Variants in COMMD6 observed in about 807,000 individuals in gnomAD.
COMMD6 encodes COMM domain containing 6.
A neutral mutation model predicts 13.4 loss-of-function variants in COMMD6; 11 were observed. The observed-to-expected ratio is 0.82, with a 90% CI of 0.52 to 1.36. The LOEUF is 1.36. Among genes scored for constraint, COMMD6 ranks in the 40% most tolerant of loss-of-function variants. The pLI is 0.00. For missense variants in COMMD6, 124 were observed against 102.4 expected, an observed-to-expected ratio of 1.21 and a Z score of -0.91; for synonymous variants, 43 against 36.5, an observed-to-expected ratio of 1.18 and a Z score of -0.64.
intron 1 of COMMD6, among the ~76,000 whole-genome samples, chr13:75,545,512 G>C (rs1301639232): frequency 6.6e-6 from 1 of 151,640 alleles, no homozygotes; most frequent in Non-Finnish European, 1.5e-5. Flanking sequence ...TGTCACCCAG[G>C]CTGGAGTGCC....
At chr13:75,541,986 G>T (rs183728393), upstream of COMMD6, among the ~76,000 whole-genome samples, 40 of 152,316 alleles carry the variant, frequency 2.6e-4, 1 homozygote, top group East Asian at 7.7e-3. Flanking sequence ...CATATTCAAG[G>T]AGGTAAAGGA....
At chr13:75,532,626 T>C (rs2030522598) in intron 2 of COMMD6, among the ~76,000 whole-genome samples, 1 of 151,980 alleles carries the variant, frequency 6.6e-6, no homozygotes, top group Non-Finnish European at 1.5e-5. Flanking sequence ...GGTCAGGAGA[T>C]CAGAATCATC....
rs2030197973 is a variant in COMMD6 at position 75,525,218 on chromosome 13, A to AAACG, written c.*1370_*1371insCGTT. 1 of 71,296 alleles carries AAACG rather than the reference A, an allele frequency of 1.4e-5. No homozygotes were observed. The highest frequency in any genetic ancestry group is 4.0e-4 in the East Asian group (1 of 2,518). The allele number at this position is 71,296 out of a possible 1,614,324, so 4.4% of individuals were successfully genotyped here. A position where few individuals can be genotyped will look rare whatever the true frequency, so the allele number is the denominator to read the frequency against. The stretch of plus-strand genomic sequence containing the variant: ...TGCTTTTTAAATTCAAAAGACAAAC[A>AAACG]TGCAATTTAAATTTATTTCAAATCT... On this transcript the variant is annotated 3_prime_UTR_variant, in exon 4 of 4. Coordinates refer to ENST00000682242, the MANE Select transcript of COMMD6 (RefSeq NM_203495.4).
At position 75,526,594 on chromosome 13, in the gene COMMD6, C is replaced by T; in HGVS notation, c.253G>A (p.Val85Met). The T allele has an allele frequency of 1.9e-6, 3 of 1,603,486 alleles. No individual in the cohort carries two copies. The highest frequency in any genetic ancestry group is 1.1e-5 in the South Asian group (1 of 89,550). ...ATCAACCAAAGAATCCGTCTTCACA[C>T]CGTTTCAATAACTGCAGCAATTTCC... Reference protein sequence around the residue: ...FKEIAAVIETV With the variant: ...FKEIAAVIETM The change falls in exon 4 of 4, where the codon GTG becomes ATG. Residue 85 changes from valine to methionine, a missense_variant. Coordinates refer to ENST00000682242, the MANE Select transcript of COMMD6 (RefSeq NM_203495.4).
At chr13:75,532,332 T>C (rs2030508477) in intron 2 of COMMD6, among the ~76,000 whole-genome samples, 1 of 151,880 alleles carries the variant, frequency 6.6e-6, no homozygotes, top group African/African-American at 2.4e-5. Flanking sequence ...AAAGGAAGAG[T>C]TTATTGTAGC....
At position 75,527,205 on chromosome 13, in the gene COMMD6, C is replaced by A. The variant is rs1192937957; in HGVS notation, c.208-566G>T. On this transcript the variant is annotated intron_variant, in intron 3 of 3. Transcript: ENST00000682242. ...ATCAAGCAAATTGTTCTTCTGTCTT[C>A]TCCTGTACCTACCCCAGGAAGCTAG... Among the ~76,000 whole-genome samples the A allele has an allele frequency of 2.0e-5, 3 of 152,212 alleles. 1 individual carries two copies. The highest frequency in any genetic ancestry group is 4.4e-5 in the Non-Finnish European group (3 of 68,032).
upstream of COMMD6, among the ~76,000 whole-genome samples, chr13:75,539,948 C>T (rs185998847): frequency 1.7e-4 from 26 of 149,014 alleles, no homozygotes; most frequent in Non-Finnish European, 3.1e-4. Context: ...GTCAGTGTGT[C>T]GGTTCTTTTT....
At chr13:75,549,031 T>G (rs935851047) in intron 1 of COMMD6, among the ~76,000 whole-genome samples, 1 of 152,172 alleles carries the variant, frequency 6.6e-6, no homozygotes, top group African/African-American at 2.4e-5. Context: ...GGAATCCACT[T>G]TTTCAGGAAG....
In COMMD6 at chr13:75,537,821, C is replaced by G; in HGVS notation, c.-16G>C. 2 of 1,590,518 alleles carry G rather than the reference C, an allele frequency of 1.3e-6. No homozygotes were observed. Among genetic ancestry groups the G allele is most frequent in the Non-Finnish European group, 1.7e-6 (2 of 1,166,004 alleles). ...ACGCCTCCATGGGCAGCGTCTGGGA[C>G]TTGCGGCCCGGACTCGAGAGAACGC... On this transcript the variant is annotated 5_prime_UTR_variant, in exon 1 of 4. Transcript: ENST00000682242.
chr13:75,527,547 T>TA (rs918729460), intron 3 of COMMD6, among the ~76,000 whole-genome samples: 1 of 152,300 alleles, frequency 6.6e-6, no homozygotes, highest in Admixed American at 6.5e-5. Flanking sequence ...AAACTCTCTT[T>TA]AAAAGAGTTG....
upstream of COMMD6, among the ~76,000 whole-genome samples, chr13:75,540,456 G>T (rs1278212045): frequency 6.6e-6 from 1 of 151,836 alleles, no homozygotes; most frequent in African/African-American, 2.4e-5. Flanking sequence ...TTATTTCTTT[G>T]TATTTTTCAT....
intron 1 of COMMD6, among the ~76,000 whole-genome samples, chr13:75,544,926 C>CAAAAAAAAAAAAAAAA (rs10708731): frequency 1.2e-4 from 13 of 104,538 alleles, no homozygotes; most frequent in Non-Finnish European, 1.7e-4. Flanking sequence ...ACTCTGTCTC[C>CAAAAAAAAAAAAAAAA]AAAAAAAAAA....
chr13:75,540,563 A>C (rs75889706), upstream of COMMD6, among the ~76,000 whole-genome samples: 414 of 152,276 alleles, frequency 2.7e-3, 5 homozygotes, highest in African/African-American at 9.5e-3. Context: ...ATGTCATTAG[A>C]GTTTAGGGCA....
rs2030724809 is a variant in COMMD6 at position 75,537,688 on chromosome 13, C to T, written c.43-13G>A. ...CCTGGTTGGTGACCTGAAACGGAAGCAGAAACACAATTTAGAGAAACATCT... is the reference window on the plus strand; with the variant it reads ...CCTGGTTGGTGACCTGAAACGGAAGTAGAAACACAATTTAGAGAAACATCT... On this transcript the variant is annotated splice_polypyrimidine_tract_variant and intron_variant, in intron 1 of 3. Coordinates refer to ENST00000682242, the MANE Select transcript of COMMD6 (RefSeq NM_203495.4). The T allele has an allele frequency of 6.2e-7, 1 of 1,614,034 alleles. No homozygotes were observed. The highest frequency in any genetic ancestry group is 1.3e-5 in the African/African-American group (1 of 75,072).
At chr13:75,533,024 G>C (rs1348408402) in intron 2 of COMMD6, among the ~76,000 whole-genome samples, 7 of 150,170 alleles carry the variant, frequency 4.7e-5, no homozygotes, top group African/African-American at 1.7e-4. Flanking sequence ...TCTGCCTCCC[G>C]GGTTCACGCC....
chr13:75,537,999 A>G (rs1405536949), upstream of COMMD6: 7 of 482,076 alleles, frequency 1.5e-5, no homozygotes, highest in African/African-American at 1.4e-4. Flanking sequence ...CTAAAAGAAA[A>G]TTATTTTATG....
At chr13:75,541,115 G>A (rs138225732), upstream of COMMD6, among the ~76,000 whole-genome samples, 25 of 152,170 alleles carry the variant, frequency 1.6e-4, no homozygotes, top group East Asian at 3.3e-3. Context: ...CCTATTTGTC[G>A]GTTTAGCATC....
chr13:75,538,558 G>C (rs1489637285), upstream of COMMD6, among the ~76,000 whole-genome samples: 1 of 152,146 alleles, frequency 6.6e-6, no homozygotes, highest in Non-Finnish European at 1.5e-5. Flanking sequence ...ATCTCGGCTT[G>C]TATTAAGGAT....
At chr13:75,533,670 G>C (rs911173914) in intron 2 of COMMD6, among the ~76,000 whole-genome samples, 5 of 152,084 alleles carry the variant, frequency 3.3e-5, no homozygotes, top group African/African-American at 9.7e-5. Flanking sequence ...GAACTAAGTT[G>C]GTGACAAGCA....
Sources: allele counts gnomAD v4.1 joint callset (sites outside exome capture counted in the v4.1 genomes callset), GRCh38; gene constraint gnomAD v4.1.1; transcripts MANE v1.5; gene names NCBI Gene and HGNC (gene_info 2026-07-23, HGNC 2026-07-21).